Variants in CHN2 observed in about 807,000 individuals in gnomAD.
CHN2 encodes beta-chimaerin.
In CHN2, 35 loss-of-function variants were observed where a neutral mutation model predicts 56.3. The observed-to-expected ratio is 0.62, with a 90% CI of 0.47 to 0.82. CHN2 has a LOEUF of 0.82. Among genes scored for constraint, CHN2 ranks in the 40% least tolerant of loss-of-function variants. The pLI is 0.00. For synonymous variants in CHN2, 210 were observed against 212.8 expected (o/e 0.99, Z 0.12); for missense variants, 491 against 580.5 (o/e 0.85, Z 1.58).
intron 1 of CHN2, among the ~76,000 whole-genome samples, chr7:29,248,001 T>C (rs192194957): frequency 6.6e-6 from 1 of 152,346 alleles, no homozygotes; most frequent in Admixed American, 6.5e-5. Context: ...GTCCACCATG[T>C]CTGTAAGAGC....
At chr7:29,449,367 G>A (rs187387118) in intron 6 of CHN2, among the ~76,000 whole-genome samples, 78 of 152,308 alleles carry the variant, frequency 5.1e-4, no homozygotes, top group African/African-American at 1.8e-3. Flanking sequence ...AGATTCTTAT[G>A]GTGGGAGACT....
chr7:29,198,378 A>G (rs3812398), intron 1 of CHN2, among the ~76,000 whole-genome samples: 16,473 of 152,270 alleles, frequency 0.11, 1,180 homozygotes, highest in East Asian at 0.29. Context: ...CTGTTAAACT[A>G]CATCGCCCAA....
intron 1 of CHN2, among the ~76,000 whole-genome samples, chr7:29,344,238 CCTCTT>C (rs776585599): frequency 3.3e-5 from 5 of 152,158 alleles, no homozygotes; most frequent in Admixed American, 1.3e-4. Context: ...GGTCTCACTG[CCTCTT>C]CTCTTCTCTT....
At chr7:29,406,922 T>A (rs1802698100) in intron 6 of CHN2, among the ~76,000 whole-genome samples, 2 of 152,210 alleles carry the variant, frequency 1.3e-5, no homozygotes, top group South Asian at 4.1e-4. Flanking sequence ...AAGCAAGCAC[T>A]GATTGAATGA....
chr7:29,316,403 G>A (rs1281234807), intron 1 of CHN2, among the ~76,000 whole-genome samples: 1 of 152,096 alleles, frequency 6.6e-6, no homozygotes, highest in Non-Finnish European at 1.5e-5. Flanking sequence ...TTAGAGATAA[G>A]TATAGGCACA....
intron 1 of CHN2, among the ~76,000 whole-genome samples, chr7:29,211,450 G>GCGCA (rs1239885302): frequency 2.5e-4 from 35 of 138,446 alleles, no homozygotes; most frequent in East Asian, 8.7e-4. Flanking sequence ...CTGCATGTTG[G>GCGCA]CACACACACA....
chr7:29,429,163 G>T (rs962293446), intron 6 of CHN2, among the ~76,000 whole-genome samples: 4 of 152,158 alleles, frequency 2.6e-5, no homozygotes. Context: ...ATCTTGTTTA[G>T]TGTTCTCCAA....
chr7:29,401,801 A>G lies in CHN2; in HGVS notation c.576+973A>G, dbSNP rs540444070. ...CCAGGGAGATCTGATTTTCCTCTCC[A>G]GTAAGTTGCTGTTTGTTTGAAAGGC... On this transcript the variant is annotated intron_variant, in intron 6 of 12. Transcript: ENST00000222792. 3.9e-5 allele frequency among the ~76,000 whole-genome samples: 6 copies of G among 152,296 alleles called. No individual in the cohort carries two copies. In the East Asian group the frequency reaches 1.2e-3, roughly 29 times the overall value.
intron 6 of CHN2, among the ~76,000 whole-genome samples, chr7:29,473,217 A>G (rs1786259840): frequency 1.3e-5 from 2 of 152,180 alleles, no homozygotes; most frequent in Non-Finnish European, 2.9e-5. Flanking sequence ...ACATGATCAT[A>G]TTTTGTGTTT....
intron 1 of CHN2, among the ~76,000 whole-genome samples, chr7:29,314,683 G>A (rs1190604413): frequency 6.6e-6 from 1 of 152,084 alleles, no homozygotes; most frequent in Non-Finnish European, 1.5e-5. Flanking sequence ...GAGCAGGGAG[G>A]CAGAGCATTC....
chr7:29,452,084 C>T (rs1003739784), intron 6 of CHN2, among the ~76,000 whole-genome samples: 1 of 152,204 alleles, frequency 6.6e-6, no homozygotes, highest in African/African-American at 2.4e-5. Flanking sequence ...CCTGCTGTTG[C>T]CTTCTTGAAG....
At chr7:29,313,261 C>T (rs922506912) in intron 1 of CHN2, among the ~76,000 whole-genome samples, 6 of 152,166 alleles carry the variant, frequency 3.9e-5, no homozygotes, top group African/African-American at 1.4e-4. Context: ...AGTGGAATTC[C>T]TGGGTTAATG....
At chr7:29,186,589 A>C (rs1382657407) in intron 2 of CHN2, 1 of 151,776 alleles carries the variant, frequency 6.6e-6, no homozygotes, top group African/African-American at 2.4e-5. Context: ...AAAGAAAGAA[A>C]GGGAGGAAGG....
chr7:29,483,907 C>A (rs1166402749), intron 7 of CHN2: 1 of 1,300,016 alleles, frequency 7.7e-7, no homozygotes, highest in Non-Finnish European at 1.0e-6. Context: ...GTTCCCTCAT[C>A]TATAAAATGG....
At chr7:29,174,758 G>T (rs565768162) in intron 2 of CHN2, among the ~76,000 whole-genome samples, 35 of 152,042 alleles carry the variant, frequency 2.3e-4, no homozygotes, top group African/African-American at 8.0e-4. Flanking sequence ...TACTTGGGAG[G>T]CTGAGGCAGA....
intron 1 of CHN2, chr7:29,199,456 C>T (rs534479077): frequency 2.8e-4 from 42 of 152,180 alleles, no homozygotes; most frequent in African/African-American, 8.7e-4. Context: ...GATAACTGCT[C>T]GATAATTAAA....
intron 1 of CHN2, among the ~76,000 whole-genome samples, chr7:29,246,907 G>A (rs998160430): frequency 1.3e-5 from 2 of 152,188 alleles, no homozygotes; most frequent in Non-Finnish European, 2.9e-5. Flanking sequence ...CAAGGGCCCC[G>A]CCTCCTAGTA....
At chr7:29,481,756 AT>A (rs1169902797) in intron 7 of CHN2, among the ~76,000 whole-genome samples, 2 of 137,058 alleles carry the variant, frequency 1.5e-5, no homozygotes, top group African/African-American at 5.5e-5. Context: ...GAAATCCTTG[AT>A]TTTTTTGCAT....
intron 1 of CHN2, among the ~76,000 whole-genome samples, chr7:29,248,434 G>A (rs1016134169): frequency 6.6e-6 from 1 of 152,162 alleles, no homozygotes; most frequent in African/African-American, 2.4e-5. Flanking sequence ...CTTAACTTCT[G>A]CTGTTGTGAC....
Sources: gnomAD v4.1 joint callset for allele counts (sites outside exome capture counted in the v4.1 genomes callset) on GRCh38, gnomAD v4.1.1 for gene constraint, MANE v1.5 for transcripts, NCBI Gene and HGNC (gene_info 2026-07-23, HGNC 2026-07-21) for gene names.